The following MYO18A variants were observed in gnomAD, a reference collection of about 807,000 sequenced individuals.
The protein encoded by MYO18A is myosin XVIIIA, also known as unconventional myosin-XVIIIa.
Under a neutral mutation model 235.8 loss-of-function variants are expected in MYO18A, and 78 were observed. That is an observed-to-expected ratio of 0.33 (90% confidence interval 0.28 to 0.40). MYO18A has a LOEUF of 0.40. Ranked by LOEUF, MYO18A falls within the 10% of genes least tolerant of loss-of-function variation. The probability of loss-of-function intolerance (pLI) is 1.00; values close to 1 mark genes in which losing one functional copy is unlikely to be tolerated. For synonymous variants in MYO18A, 977 were observed against 1,077.8 expected (o/e 0.91, Z 1.83); for missense variants, 2,215 against 2,699.3 (o/e 0.82, Z 3.98).
intron 2 of MYO18A, chr17:29,128,439 T>C: frequency 7.8e-7 from 1 of 1,289,320 alleles, no homozygotes; most frequent in Non-Finnish European, 1.0e-6. Context: ...ATGGCGAGTG[T>C]GGGTGCAGGG....
chr17:29,146,151 A>C (rs1051710966), intron 2 of MYO18A, among the ~76,000 whole-genome samples: 4 of 152,240 alleles, frequency 2.6e-5, no homozygotes, highest in Non-Finnish European at 4.4e-5. Flanking sequence ...CCAGCTACTC[A>C]GGAGGCTGAG....
chr17:29,087,833 C>T (rs1035318624), intron 37 of MYO18A, among the ~76,000 whole-genome samples: 5 of 151,500 alleles, frequency 3.3e-5, no homozygotes, highest in Admixed American at 3.3e-4. Flanking sequence ...ACTCTCTGAG[C>T]GGAAGGGAAC....
Position 29,132,669 on chromosome 17 carries a change from G to A in MYO18A, c.1000-10416C>T, listed in dbSNP as rs141288596. On this transcript the variant is annotated intron_variant, in intron 2 of 41. Coordinates refer to ENST00000527372, the MANE Select transcript of MYO18A (RefSeq NM_078471.4). ...AGCAGTGCCAGGGGCACTGGCTGGC[G>A]TGATGGCTGCTGCAGTTTTAAAGCT... Among the ~76,000 whole-genome samples the A allele has an allele frequency of 2.9e-3, 440 of 152,370 alleles. 3 individuals are homozygous for A. Among genetic ancestry groups the A allele is most frequent in the Non-Finnish European group, 5.1e-3 (344 of 68,040 alleles).
chr17:29,119,765 T>C (rs1598336685), intron 7 of MYO18A, among the ~76,000 whole-genome samples: 1 of 152,214 alleles, frequency 6.6e-6, no homozygotes, highest in Admixed American at 6.5e-5. Context: ...GGTTTTGCCA[T>C]GTTGGCCAGG....
intron 41 of MYO18A, chr17:29,079,820 G>GCAGACGCAC (rs2066072711): frequency 1.0e-6 from 1 of 985,940 alleles, no homozygotes; most frequent in Non-Finnish European, 1.2e-6. Context: ...GACGGCCGGT[G>GCAGACGCAC]CGTCTGCCCA....
In MYO18A at chr17:29,096,791, C is replaced by T. The variant is rs1050618095; in HGVS notation, c.4355G>A (p.Arg1452His). ...TKLHLEGQQVRNHELEKKQRR... is the reference protein window; with the variant it reads ...TKLHLEGQQVHNHELEKKQRR... ...CTGCTTCTTCTCCAGTTCGTGGTTG[C>T]GGACCTGCTGGCCCTCCAGGTGCAG... The change falls in exon 28 of 42, where the codon CGC becomes CAC. Residue 1452 changes from arginine (R) to histidine (H), a missense_variant. Physicochemically the swap from Arg to His is conservative, Grantham distance 29. Transcript: ENST00000527372. 6.2e-6 allele frequency: 10 copies of T among 1,605,444 alleles called. No homozygotes were observed. Among genetic ancestry groups the T allele is most frequent in the Admixed American group, 1.7e-5 (1 of 59,098 alleles).
At chr17:29,173,280 C>T (rs1443107405) in intron 1 of MYO18A, among the ~76,000 whole-genome samples, 4 of 151,152 alleles carry the variant, frequency 2.6e-5, no homozygotes, top group East Asian at 1.9e-4. Flanking sequence ...TTAGTAGAGA[C>T]GGGGTTTCTC....
rs1299584929 is a variant in MYO18A at position 29,072,213 on chromosome 17, T to C, written c.*2557A>G. On this transcript the variant is annotated 3_prime_UTR_variant, in exon 42 of 42. Transcript: ENST00000527372. ...CATAAGCTAGCAGCCTTTTTTTTTT[T>C]TTTTTTTTTTTTGTAAAAAAAAGTA... The C allele has an allele frequency of 2.7e-5, 4 of 150,274 alleles. No individual in the cohort carries two copies. Among genetic ancestry groups the C allele is most frequent in the Admixed American group, 2.6e-4 (4 of 15,112 alleles). The allele number at this position is 150,274 out of a possible 1,614,324, so 9.3% of individuals were successfully genotyped here.
At position 29,128,981 on chromosome 17, in the gene MYO18A, T is replaced by G. The variant is rs79007921; in HGVS notation, c.1000-6728A>C. The stretch of plus-strand genomic sequence containing the variant: ...GCATGGACACAGCAGAGATGGAGCA[T>G]GGAGAGGTCAAACAGCCGAGTCCCA... On this transcript the variant is annotated intron_variant, in intron 2 of 41. Coordinates refer to ENST00000527372, the MANE Select transcript of MYO18A (RefSeq NM_078471.4). The G allele has an allele frequency of 3.3e-3, 3,740 of 1,132,390 alleles. 107 individuals are homozygous for G. In the African/African-American group the frequency reaches 0.054, roughly 16 times the overall value. 70.1% of individuals were successfully genotyped at this position (1,132,390 alleles called of 1,614,324 possible).
chr17:29,169,642 TCTTAAAGGG>T (rs2068358122), intron 1 of MYO18A, among the ~76,000 whole-genome samples: 1 of 152,094 alleles, frequency 6.6e-6, no homozygotes, highest in South Asian at 2.1e-4. Context: ...GCCTGCACCA[TCTTAAAGGG>T]ATGGTTTAGA....
At position 29,073,667 on chromosome 17, in the gene MYO18A, T is replaced by G; in HGVS notation, c.*1103A>C. 1 of 616,112 alleles carries G rather than the reference T, an allele frequency of 1.6e-6. No homozygotes were observed. Among genetic ancestry groups the G allele is most frequent in the Non-Finnish European group, 2.8e-6 (1 of 362,624 alleles). The allele number at this position is 616,112 out of a possible 1,614,324, so 38.2% of individuals were successfully genotyped here. ...ACTTGGGCTCCCAAGTCTGGTGGAG[T>G]TCTCAGGGATAACCTTTTTAGGGTG... On this transcript the variant is annotated 3_prime_UTR_variant, in exon 42 of 42. Coordinates refer to ENST00000527372, the MANE Select transcript of MYO18A (RefSeq NM_078471.4).
Position 29,116,368 on chromosome 17 carries a change from C to T in MYO18A, c.2050+76G>A, listed in dbSNP as rs1338585585. The stretch of plus-strand genomic sequence containing the variant: ...GCCACAGGGGAAAGGGAACAGCCCG[C>T]ACAGACATATGTGCCTCAGCCAACA... On this transcript the variant is annotated intron_variant, in intron 11 of 41. Transcript: ENST00000527372. The T allele has an allele frequency of 2.5e-6, 4 of 1,576,846 alleles. No individual in the cohort carries two copies. The African/African-American group carries it at 4.0e-5, about 16-fold the overall frequency.
chr17:29,135,939 T>C (rs1372338409), intron 2 of MYO18A, among the ~76,000 whole-genome samples: 1 of 152,154 alleles, frequency 6.6e-6, no homozygotes, highest in Non-Finnish European at 1.5e-5. Flanking sequence ...AAACAAAACA[T>C]CTCATGGACC....
chr17:29,073,101 G>GAGAA lies in MYO18A; in HGVS notation c.*1668_*1669insTTCT, dbSNP rs1296000168. On this transcript the variant is annotated 3_prime_UTR_variant, in exon 42 of 42. Transcript: ENST00000527372. ...AAAGAGAATGAAAGAAAGAAAGAGAGAGAGAGAGGGAGAGAGGGAGGGACG... is the reference window on the plus strand; with the variant it reads ...AAAGAGAATGAAAGAAAGAAAGAGAGAGAAAGAGAGAGGGAGAGAGGGAGGGACG... 6.6e-6 allele frequency: 1 copy of GAGAA among 150,948 alleles called. No homozygotes were observed. Among genetic ancestry groups the GAGAA allele is most frequent in the African/African-American group, 2.4e-5 (1 of 40,828 alleles). The allele number at this position is 150,948 out of a possible 1,614,324, so 9.4% of individuals were successfully genotyped here.
intron 2 of MYO18A, among the ~76,000 whole-genome samples, chr17:29,161,968 A>G (rs2068184225): frequency 6.6e-6 from 1 of 152,196 alleles, no homozygotes; most frequent in Admixed American, 6.5e-5. Flanking sequence ...AACTTTCCCT[A>G]AGGAATCAAA....
At chr17:29,085,726 C>G (rs1191121477) in intron 39 of MYO18A, 78 bp from the exon 40 acceptor site, 16 of 1,469,294 alleles carry the variant, frequency 1.1e-5, no homozygotes, top group Non-Finnish European at 1.5e-5. Flanking sequence ...AGGTGGACCC[C>G]TTAGCTGAAG....
Position 29,111,849 on chromosome 17 carries a change from G to C in MYO18A, c.2613C>G (p.Ala871=). Residue 871 remains alanine (A), a synonymous_variant, in exon 16 of 42, where the codon GCC becomes GCG. Coordinates refer to ENST00000527372, the MANE Select transcript of MYO18A (RefSeq NM_078471.4). This position sits in a 1 kb window ranked among gnomAD's most constrained non-coding sequence, Gnocchi z 5.1. The part of the protein sequence containing the change: ...ASHQSLVRSL[A]RTDEARGLLW... The stretch of plus-strand genomic sequence containing the variant: ...GCAGGCCCCTCGCCTCGTCTGTGCG[G>C]GCCAGCGAGCGGACCTACAGAGAAG... The C allele has an allele frequency of 1.2e-6, 2 of 1,612,402 alleles. No homozygotes were observed. The highest frequency in any genetic ancestry group is 1.7e-6 in the Non-Finnish European group (2 of 1,179,170).
In MYO18A at chr17:29,098,874, C is replaced by A. The variant is rs1351150394; in HGVS notation, c.3732G>T (p.Arg1244Ser). ...CTGACAGCTGTACTTCGATGAGGGG[C>A]CTCACTGTGGTAAAAAGCTTCCACC... ...WPWWKLFTTV[R>S]PLIEVQLSEE... The change falls in exon 23 of 42, where the codon AGG becomes AGT. Residue 1244 changes from arginine to serine, a missense_variant. By Grantham distance (110) the Arg-to-Ser change is moderately radical. Coordinates refer to ENST00000527372, the MANE Select transcript of MYO18A (RefSeq NM_078471.4). 1.2e-6 allele frequency: 2 copies of A among 1,613,992 alleles called. No individual in the cohort carries two copies. Among genetic ancestry groups the A allele is most frequent in the Non-Finnish European group, 8.5e-7 (1 of 1,179,882 alleles).
intron 2 of MYO18A, among the ~76,000 whole-genome samples, chr17:29,159,003 C>T (rs1030033492): frequency 1.2e-4 from 18 of 152,070 alleles, no homozygotes; most frequent in African/African-American, 4.1e-4. Flanking sequence ...TAAGACCCTG[C>T]CCCTGCACCA....
Sources: allele counts gnomAD v4.1 joint callset (sites outside exome capture counted in the v4.1 genomes callset), GRCh38; gene constraint gnomAD v4.1.1; non-coding constraint Gnocchi (gnomAD v3.1); transcripts MANE v1.5; gene names NCBI Gene and HGNC (gene_info 2026-07-23, HGNC 2026-07-21).